LYPD6: variants seen among roughly 807,000 people sequenced by gnomAD.
The protein encoded by LYPD6 is LY6/PLAUR domain containing 6.
In LYPD6, 15 loss-of-function variants were observed where a neutral mutation model predicts 22.7. The observed-to-expected ratio is 0.66, with a 90% confidence interval of 0.44 to 1.02. LYPD6 has a LOEUF of 1.02. Ranked by LOEUF, LYPD6 falls within the 50% of genes least tolerant of loss-of-function variation. The probability of loss-of-function intolerance (pLI) is 0.00; values close to 1 mark genes in which losing one functional copy is unlikely to be tolerated. For synonymous variants in LYPD6, 72 were observed against 77.5 expected (o/e 0.93, Z 0.37); for missense variants, 189 against 208.4 (o/e 0.91, Z 0.57).
intron 3 of LYPD6, among the ~76,000 whole-genome samples, chr2:149,453,441 A>G (rs1680880203): frequency 6.6e-6 from 1 of 152,216 alleles, no homozygotes; most frequent in Admixed American, 6.5e-5. Flanking sequence ...TTCCTCCTTA[A>G]TTATGAAGTA....
intron 1 of LYPD6, among the ~76,000 whole-genome samples, chr2:149,415,728 A>T (rs531448176): frequency 6.6e-6 from 1 of 152,110 alleles, no homozygotes; most frequent in Admixed American, 6.5e-5. Flanking sequence ...GTGCAGTGGC[A>T]TGATCACGGC....
At chr2:149,339,954 T>C (rs17432643) in intron 1 of LYPD6, among the ~76,000 whole-genome samples, 46,665 of 151,950 alleles carry the variant, frequency 0.31, 7,329 homozygotes, top group Middle Eastern at 0.38. Flanking sequence ...CCTAACCGAA[T>C]GAATTCACAA....
At chr2:149,425,209 T>A (rs1019061894) in intron 1 of LYPD6, among the ~76,000 whole-genome samples, 1 of 152,240 alleles carries the variant, frequency 6.6e-6, no homozygotes, top group African/African-American at 2.4e-5. Flanking sequence ...GCCTTGGTTC[T>A]AAGGATGGCA....
In LYPD6 at chr2:149,399,929, T is replaced by C. The variant is rs540117170; in HGVS notation, c.-71-37709T>C. ...CTTTGTTGTTGCTTTATTTGGATGC[T>C]CATTTTAAGAAAAACACAGCATTGG... On this transcript the variant is annotated intron_variant, in intron 1 of 4. Transcript: ENST00000334166. Among the ~76,000 whole-genome samples, 5 of 152,316 alleles carry C rather than the reference T, an allele frequency of 3.3e-5. No homozygotes were observed. In the East Asian group the frequency reaches 9.7e-4, roughly 29 times the overall value.
At chr2:149,413,412 A>G (rs1682894673) in intron 1 of LYPD6, among the ~76,000 whole-genome samples, 1 of 152,152 alleles carries the variant, frequency 6.6e-6, no homozygotes, top group Admixed American at 6.5e-5. Context: ...CGAGATAGAG[A>G]GAGAGAGAGA....
chr2:149,476,666 C>T (rs1016837787), downstream of LYPD6, among the ~76,000 whole-genome samples: 1 of 152,182 alleles, frequency 6.6e-6, no homozygotes, highest in African/African-American at 2.4e-5. Flanking sequence ...AAGCCATGCT[C>T]TCAATAAATC....
chr2:149,383,279 G>T (rs1682108832), intron 1 of LYPD6, among the ~76,000 whole-genome samples: 1 of 152,094 alleles, frequency 6.6e-6, no homozygotes, highest in South Asian at 2.1e-4. Context: ...AATGTTTTGG[G>T]TCAAAAACAG....
chr2:149,457,371 T>C (rs1680985470), intron 3 of LYPD6, among the ~76,000 whole-genome samples: 1 of 152,228 alleles, frequency 6.6e-6, no homozygotes, highest in African/African-American at 2.4e-5. Flanking sequence ...CATCCATCTC[T>C]GCTGGTAATA....
chr2:149,372,735 C>T (rs1322849824), intron 1 of LYPD6, among the ~76,000 whole-genome samples: 1 of 152,098 alleles, frequency 6.6e-6, no homozygotes, highest in African/African-American at 2.4e-5. Flanking sequence ...ATAGTAGATT[C>T]CTGTGAAGAG....
At chr2:149,450,382 G>T (rs771305308) in intron 3 of LYPD6, among the ~76,000 whole-genome samples, 2 of 152,172 alleles carry the variant, frequency 1.3e-5, no homozygotes, top group Non-Finnish European at 2.9e-5. Context: ...TCTGAGATTA[G>T]GGCCCTGCAT....
At chr2:149,428,209 T>G (rs1440262612) in intron 1 of LYPD6, among the ~76,000 whole-genome samples, 1 of 152,226 alleles carries the variant, frequency 6.6e-6, no homozygotes, top group African/African-American at 2.4e-5. Flanking sequence ...AAAAGCATAT[T>G]TATTTACAAA....
intron 1 of LYPD6, among the ~76,000 whole-genome samples, chr2:149,398,691 G>A (rs79377155): frequency 4.6e-5 from 7 of 151,992 alleles, no homozygotes; most frequent in African/African-American, 1.2e-4. Context: ...CAAACAGCTC[G>A]ACCTGAATTG....
chr2:149,374,806 G>A (rs1201979799), intron 1 of LYPD6, among the ~76,000 whole-genome samples: 4 of 152,172 alleles, frequency 2.6e-5, no homozygotes, highest in Non-Finnish European at 5.9e-5. Context: ...TGATTTTACA[G>A]CATAGTCATA....
At chr2:149,424,872 C>A (rs1683157422) in intron 1 of LYPD6, among the ~76,000 whole-genome samples, 1 of 152,118 alleles carries the variant, frequency 6.6e-6, no homozygotes, top group African/African-American at 2.4e-5. Context: ...CTGGAGCTCC[C>A]ACTTTACTTC....
intron 3 of LYPD6, among the ~76,000 whole-genome samples, chr2:149,462,631 A>T (rs1681111830): frequency 6.6e-6 from 1 of 151,994 alleles, no homozygotes; most frequent in Non-Finnish European, 1.5e-5. Flanking sequence ...AGAAGACTAA[A>T]GTAGAAGGAA....
intron 3 of LYPD6, among the ~76,000 whole-genome samples, chr2:149,459,142 C>A (rs1413015838): frequency 6.6e-6 from 1 of 152,114 alleles, no homozygotes; most frequent in African/African-American, 2.4e-5. Context: ...AAAAACAAAA[C>A]GTCTTGAAAT....
intron 3 of LYPD6, among the ~76,000 whole-genome samples, chr2:149,464,842 G>A (rs1681166447): frequency 1.3e-5 from 2 of 152,196 alleles, no homozygotes; most frequent in South Asian, 4.1e-4. Context: ...AAAAGTCTGA[G>A]CTGATTCCAG....
chr2:149,445,954 T>C (rs1683678055), intron 2 of LYPD6, among the ~76,000 whole-genome samples: 1 of 152,186 alleles, frequency 6.6e-6, no homozygotes, highest in South Asian at 2.1e-4. Context: ...TCTTAATCAT[T>C]TCTAGGTTTT....
downstream of LYPD6, among the ~76,000 whole-genome samples, chr2:149,475,013 C>T (rs141842539): frequency 1.4e-4 from 22 of 152,248 alleles, no homozygotes; most frequent in African/African-American, 4.8e-4. Context: ...ACGATCCACC[C>T]GCTTTGGCCT....
Sources: allele counts gnomAD v4.1 joint callset (sites outside exome capture counted in the v4.1 genomes callset), GRCh38; gene constraint gnomAD v4.1.1; transcripts MANE v1.5; gene names NCBI Gene and HGNC (gene_info 2026-07-23, HGNC 2026-07-21).